The following PDE12 variants were observed in gnomAD, a reference collection of about 807,000 sequenced individuals.
PDE12 encodes the protein 2',5'-phosphodiesterase 12.
A neutral mutation model predicts 45.4 loss-of-function variants in PDE12; 26 were observed. The observed-to-expected ratio is 0.57, with a 90% CI of 0.42 to 0.79. The LOEUF is 0.79. PDE12 is among the 30% of genes least tolerant of loss of function. The pLI is 0.00. For synonymous variants in PDE12, 283 were observed against 323.9 expected, an observed-to-expected ratio of 0.87 and a Z score of 1.36; for missense variants, 668 against 790.0, an observed-to-expected ratio of 0.85 and a Z score of 1.85.
the PDE12 span, among the ~76,000 whole-genome samples, chr3:57,614,645 G>A: frequency 1.0e-4 from 15 of 145,816 alleles, no homozygotes; most frequent in Admixed American, 2.8e-4. Context: ...CTGGGTTCAC[G>A]CCATTCTCCC....
downstream of PDE12, among the ~76,000 whole-genome samples, chr3:57,571,161 T>C (rs2153408145): frequency 6.6e-6 from 1 of 152,160 alleles, no homozygotes; most frequent in East Asian, 1.9e-4. Flanking sequence ...ACCCTTGATC[T>C]GACTTTAGAA....
At position 57,561,282 on chromosome 3, in the gene PDE12, C is replaced by CT. The variant is rs1355721631; in HGVS notation, c.*1279dup. The CT allele has an allele frequency of 1.0e-6, 1 of 985,260 alleles. No homozygotes were observed. The highest frequency in any genetic ancestry group is 1.7e-5 in the African/African-American group (1 of 57,196). The allele number at this position is 985,260 out of a possible 1,614,324, so 61.0% of individuals were successfully genotyped here. On this transcript the variant is annotated 3_prime_UTR_variant, in exon 3 of 3. Transcript: ENST00000311180. ...GGATGAATCATTGAGCATTTCTACACTAGAAGTAATTTCAAAATTGTTGGT... is the reference window on the plus strand; with the variant it reads ...GGATGAATCATTGAGCATTTCTACACTTAGAAGTAATTTCAAAATTGTTGGT...
chr3:57,631,497 C>T, the PDE12 span, among the ~76,000 whole-genome samples: 1 of 151,422 alleles, frequency 6.6e-6, no homozygotes. Context: ...CCCAACAACG[C>T]GGTCCATTTT....
chr3:57,582,890 C>G, the PDE12 span, among the ~76,000 whole-genome samples: 3 of 152,154 alleles, frequency 2.0e-5, no homozygotes, highest in African/African-American at 4.8e-5. Context: ...TTTCAGTTTC[C>G]TCATATGTAA....
At position 57,557,452 on chromosome 3, in the gene PDE12, C is replaced by T; in HGVS notation, c.1073C>T (p.Ser358Phe). 1 of 1,614,042 alleles carries T rather than the reference C, an allele frequency of 6.2e-7. No homozygotes were observed. Among genetic ancestry groups the T allele is most frequent in the Non-Finnish European group, 8.5e-7 (1 of 1,180,028 alleles). ...CLQEVDRAVF[S>F]DSLVPALEAF... is the part of the protein sequence containing the mutation. ...CAGGAGGTTGACCGCGCAGTGTTTT[C>T]TGACAGCTTGGTACCCGCCCTAGAG... Residue 358 changes from serine (S) to phenylalanine (F), a missense_variant, in exon 1 of 3, where the codon TCT becomes TTT. By Grantham distance (155) the Ser-to-Phe change is radical (BLOSUM62 -2). Coordinates refer to ENST00000311180, the MANE Select transcript of PDE12 (RefSeq NM_177966.7).
At chr3:57,655,331 C>T in the PDE12 span, among the ~76,000 whole-genome samples, 4 of 152,292 alleles carry the variant, frequency 2.6e-5, no homozygotes, top group African/African-American at 7.2e-5. Context: ...CTGCATCTGG[C>T]GGGAAACAAG....
downstream of PDE12, among the ~76,000 whole-genome samples, chr3:57,570,248 A>T (rs1252048042): frequency 1.6e-5 from 2 of 121,214 alleles, no homozygotes; most frequent in African/African-American, 3.5e-5. Flanking sequence ...TTGGAGACAG[A>T]GTCTTGCAGA....
chr3:57,637,805 C>CA, the PDE12 span, among the ~76,000 whole-genome samples: 264 of 58,254 alleles, frequency 4.5e-3, 1 homozygote, highest in African/African-American at 9.3e-3. Context: ...CAGAAGAAAA[C>CA]AAAAAAAATA....
rs1317536522 is a variant in PDE12, at chr3:57,562,373, T to G, written c.*2369T>G. 6.6e-6 allele frequency: 1 copy of G among 152,494 alleles called. No homozygotes were observed. The highest frequency in any genetic ancestry group is 2.4e-5 in the African/African-American group (1 of 41,454). The allele number at this position is 152,494 out of a possible 1,614,324, so 9.4% of individuals were successfully genotyped here. Reference sequence around the variant, plus strand: ...ATTATTAGGACATGGAATGTTATTGTGAAGTGCCATATACTGTGATCAAAT... The same window carrying G: ...ATTATTAGGACATGGAATGTTATTGGGAAGTGCCATATACTGTGATCAAAT... On this transcript the variant is annotated 3_prime_UTR_variant, in exon 3 of 3. Transcript: ENST00000311180.
the PDE12 span, among the ~76,000 whole-genome samples, chr3:57,575,976 G>A: frequency 6.6e-6 from 1 of 152,078 alleles, no homozygotes. Flanking sequence ...GACTGATAAG[G>A]GCAAGAAATA....
At chr3:57,579,202 C>A in the PDE12 span, among the ~76,000 whole-genome samples, 1 of 114,926 alleles carries the variant, frequency 8.7e-6, no homozygotes, top group Non-Finnish European at 1.6e-5. Flanking sequence ...TGCAGTGAGC[C>A]GAGATGGCGC....
downstream of PDE12, among the ~76,000 whole-genome samples, chr3:57,567,956 T>C (rs1186160429): frequency 2.7e-5 from 4 of 149,440 alleles, no homozygotes; most frequent in Admixed American, 2.7e-4. Context: ...TAATCCCAGC[T>C]ACTCGGGAGG....
chr3:57,589,981 C>T, the PDE12 span, among the ~76,000 whole-genome samples: 1 of 150,162 alleles, frequency 6.7e-6, no homozygotes, highest in Non-Finnish European at 1.5e-5. Context: ...ATCCCAGCTA[C>T]TCGGGAGGCT....
chr3:57,559,150 G>C (rs1432388758), intron 1 of PDE12, among the ~76,000 whole-genome samples, 160 bp from the exon 2 acceptor site: 1 of 152,126 alleles, frequency 6.6e-6, no homozygotes, highest in Non-Finnish European at 1.5e-5. Flanking sequence ...GAACCCGGGA[G>C]GCGGAGCTTG....
At chr3:57,612,123 C>T in the PDE12 span, among the ~76,000 whole-genome samples, 1 of 151,538 alleles carries the variant, frequency 6.6e-6, no homozygotes, top group Non-Finnish European at 1.5e-5. Context: ...CCATCATTCT[C>T]AGCAAACTAT....
chr3:57,644,236 G>C, the PDE12 span, among the ~76,000 whole-genome samples: 1 of 151,870 alleles, frequency 6.6e-6, no homozygotes, highest in Non-Finnish European at 1.5e-5. Flanking sequence ...GATTCGTAGA[G>C]AAAAGAAGTC....
chr3:57,632,552 A>G, the PDE12 span, among the ~76,000 whole-genome samples: 4 of 152,322 alleles, frequency 2.6e-5, no homozygotes, highest in South Asian at 8.3e-4. Flanking sequence ...ATAACTTGAC[A>G]CCCAAAGACC....
At chr3:57,639,807 T>C in the PDE12 span, among the ~76,000 whole-genome samples, 26 of 152,242 alleles carry the variant, frequency 1.7e-4, no homozygotes, top group African/African-American at 6.3e-4. Flanking sequence ...TTCTAAAAAT[T>C]TCAGTAAGAC....
the PDE12 span, among the ~76,000 whole-genome samples, chr3:57,598,417 C>T: frequency 6.6e-6 from 1 of 152,154 alleles, no homozygotes; most frequent in Non-Finnish European, 1.5e-5. Context: ...AGTAACGCTT[C>T]TCTTGGTAGC....
Sources: gnomAD v4.1 joint callset for allele counts (sites outside exome capture counted in the v4.1 genomes callset) on GRCh38, gnomAD v4.1.1 for gene constraint, MANE v1.5 for transcripts, NCBI Gene and HGNC (gene_info 2026-07-23, HGNC 2026-07-21) for gene names.